RPS6KC1: variants seen among roughly 807,000 people sequenced by gnomAD.
RPS6KC1 encodes inactive ribosomal protein S6 kinase delta-1.
RPS6KC1 carries 54 observed loss-of-function variants against 103.8 expected under a neutral mutation model. The ratio of observed to expected loss-of-function variants is 0.52; its 90% confidence interval spans 0.42 to 0.65. RPS6KC1 has a LOEUF of 0.65. Ranked by LOEUF, RPS6KC1 falls within the 30% of genes least tolerant of loss-of-function variation. The pLI is 0.00. For synonymous variants in RPS6KC1, 439 were observed against 438.7 expected (o/e 1.00, Z -0.01); for missense variants, 1,151 against 1,253.8 (o/e 0.92, Z 1.24).
the RPS6KC1 span, among the ~76,000 whole-genome samples, chr1:213,605,675 G>A: frequency 3.9e-5 from 6 of 152,198 alleles, no homozygotes; most frequent in Admixed American, 2.0e-4. Context: ...TTGGCACATA[G>A]TAGGTGCTCA....
At chr1:213,417,522 C>G in the RPS6KC1 span, among the ~76,000 whole-genome samples, 17 of 152,206 alleles carry the variant, frequency 1.1e-4, no homozygotes, top group African/African-American at 4.1e-4. Flanking sequence ...GAAGGTGCAG[C>G]CCCCAGACCC....
chr1:213,214,197 C>T (rs928465738), intron 8 of RPS6KC1, among the ~76,000 whole-genome samples: 5 of 152,236 alleles, frequency 3.3e-5, no homozygotes, highest in East Asian at 1.9e-4. Context: ...GCTTTTCCAA[C>T]GGTCTTAGCA....
At chr1:213,283,417 T>C in the RPS6KC1 span, among the ~76,000 whole-genome samples, 1 of 152,038 alleles carries the variant, frequency 6.6e-6, no homozygotes, top group Admixed American at 6.5e-5. Flanking sequence ...AATCCCAAAG[T>C]ACAAGCAGTT....
the RPS6KC1 span, among the ~76,000 whole-genome samples, chr1:213,418,675 C>T: frequency 1.3e-5 from 2 of 152,234 alleles, no homozygotes; most frequent in Non-Finnish European, 2.9e-5. Flanking sequence ...AGATTTCACA[C>T]GCCGATCTCC....
At chr1:213,363,718 CT>C in the RPS6KC1 span, among the ~76,000 whole-genome samples, 114 of 117,716 alleles carry the variant, frequency 9.7e-4, 10 homozygotes, top group East Asian at 4.6e-3. Flanking sequence ...TTCTTTCTTT[CT>C]TTCTTTCGTT....
At chr1:213,307,715 G>C in the RPS6KC1 span, among the ~76,000 whole-genome samples, 1 of 152,162 alleles carries the variant, frequency 6.6e-6, no homozygotes, top group East Asian at 1.9e-4. Flanking sequence ...CTCCCAAGGG[G>C]CATCTTCTCA....
chr1:213,490,457 T>C, the RPS6KC1 span, among the ~76,000 whole-genome samples: 1 of 152,118 alleles, frequency 6.6e-6, no homozygotes, highest in East Asian at 1.9e-4. Flanking sequence ...CCCTCTTGAC[T>C]CTGTATGAGG....
the RPS6KC1 span, among the ~76,000 whole-genome samples, chr1:213,516,863 CTT>C: frequency 1.3e-5 from 2 of 152,112 alleles, no homozygotes; most frequent in Non-Finnish European, 2.9e-5. Flanking sequence ...GTCCTGGACT[CTT>C]TTTCGTTGGT....
At chr1:213,802,616 T>C in the RPS6KC1 span, among the ~76,000 whole-genome samples, 289 of 152,276 alleles carry the variant, frequency 1.9e-3, 1 homozygote, top group Non-Finnish European at 3.2e-3. Context: ...TAGATGTAAA[T>C]CTTTATAGCA....
At chr1:213,621,011 T>A in the RPS6KC1 span, among the ~76,000 whole-genome samples, 33 of 152,208 alleles carry the variant, frequency 2.2e-4, no homozygotes, top group Non-Finnish European at 3.2e-4. Context: ...CTCACATTTT[T>A]AAAGAGCTTT....
the RPS6KC1 span, among the ~76,000 whole-genome samples, chr1:213,688,803 C>T: frequency 1.3e-5 from 2 of 152,152 alleles, no homozygotes; most frequent in Admixed American, 1.3e-4. Context: ...TTCTGAAGTC[C>T]CCCATTCCAC....
the RPS6KC1 span, among the ~76,000 whole-genome samples, chr1:213,451,843 G>A: frequency 2.6e-5 from 4 of 152,144 alleles, no homozygotes; most frequent in Non-Finnish European, 5.9e-5. Context: ...GGGGAGTCCC[G>A]GATGGAAGGC....
At chr1:213,093,670 A>G (rs6540776) in intron 3 of RPS6KC1, among the ~76,000 whole-genome samples, 95,850 of 152,036 alleles carry the variant, frequency 0.63, 30,701 homozygotes, top group African/African-American at 0.67. Context: ...TTAGACCCGT[A>G]TCTTCTGTTA....
At chr1:213,423,439 G>C in the RPS6KC1 span, among the ~76,000 whole-genome samples, 1 of 152,230 alleles carries the variant, frequency 6.6e-6, no homozygotes, top group East Asian at 1.9e-4. Flanking sequence ...CAGCAGCATC[G>C]GATCTGAGGC....
At chr1:213,679,355 T>G in the RPS6KC1 span, among the ~76,000 whole-genome samples, 2 of 152,214 alleles carry the variant, frequency 1.3e-5, no homozygotes, top group African/African-American at 4.8e-5. Context: ...AACAGATAGT[T>G]ATTGAATGCT....
chr1:213,201,018 G>A (rs961175555), intron 8 of RPS6KC1, among the ~76,000 whole-genome samples: 17 of 152,200 alleles, frequency 1.1e-4, no homozygotes, highest in Non-Finnish European at 2.5e-4. Flanking sequence ...TAACTAATGG[G>A]CACTAGGCTT....
chr1:213,241,145 G>T lies in RPS6KC1; in HGVS notation c.1669G>T (p.Asp557Tyr). 1 of 1,613,840 alleles carries T rather than the reference G, an allele frequency of 6.2e-7. No individual in the cohort carries two copies. The highest frequency in any genetic ancestry group is 8.5e-7 in the Non-Finnish European group (1 of 1,179,894). ...AAGCTTCCCAGCACACCTTGCTGCT[G>T]ACAGTGACAGCCCCAGCACACAGCT... The part of the protein sequence containing the change: ...IKSFPAHLAA[D>Y]SDSPSTQLRA... Residue 557 changes from aspartate to tyrosine, a missense_variant, in exon 11 of 15, where the codon GAC becomes TAC. By Grantham distance (160) the Asp-to-Tyr change is radical (BLOSUM62 -3). Coordinates refer to ENST00000366960, the MANE Select transcript of RPS6KC1 (RefSeq NM_012424.6).
chr1:213,282,870 T>G, the RPS6KC1 span, among the ~76,000 whole-genome samples: 1 of 152,242 alleles, frequency 6.6e-6, no homozygotes, highest in South Asian at 2.1e-4. Context: ...AGATTACATA[T>G]GCTTTCATTA....
chr1:213,197,328 A>G (rs2092989142), intron 8 of RPS6KC1, among the ~76,000 whole-genome samples: 1 of 152,082 alleles, frequency 6.6e-6, no homozygotes, highest in African/African-American at 2.4e-5. Flanking sequence ...AAGAATGATT[A>G]TGGCATTTTG....
Sources: gnomAD v4.1 joint callset for allele counts (sites outside exome capture counted in the v4.1 genomes callset) on GRCh38, gnomAD v4.1.1 for gene constraint, MANE v1.5 for transcripts, NCBI Gene and HGNC (gene_info 2026-07-23, HGNC 2026-07-21) for gene names.